Variants in ESRRB observed in about 807,000 individuals in gnomAD.
ESRRB encodes the protein steroid hormone receptor ERR2.
In ESRRB, 16 loss-of-function variants were observed where a neutral mutation model predicts 46.0. The observed-to-expected ratio is 0.35, with a 90% CI of 0.24 to 0.53. The LOEUF is 0.53. Among genes scored for constraint, ESRRB ranks in the 20% least tolerant of loss-of-function variants. ESRRB has a pLI of 0.93. For missense variants in ESRRB, 488 were observed against 607.4 expected (o/e 0.80, Z 2.07); for synonymous variants, 246 against 259.6 (o/e 0.95, Z 0.50).
intron 5 of ESRRB, among the ~76,000 whole-genome samples, chr14:76,485,542 A>G (rs376948521): frequency 2.0e-5 from 3 of 151,942 alleles, no homozygotes; most frequent in Non-Finnish European, 4.4e-5. Flanking sequence ...GTGCCTGGCC[A>G]GGTGCCTGAT....
intron 1 of ESRRB, among the ~76,000 whole-genome samples, chr14:76,320,470 T>C (rs557114381): frequency 6.6e-6 from 1 of 152,326 alleles, no homozygotes; most frequent in South Asian, 2.1e-4. Context: ...TGGGCAGTGA[T>C]CATGTTGTAT....
chr14:76,424,084 C>T (rs1887093735), intron 1 of ESRRB, among the ~76,000 whole-genome samples: 1 of 152,204 alleles, frequency 6.6e-6, no homozygotes, highest in African/African-American at 2.4e-5. Context: ...AGATATTTAG[C>T]GCCTCTGGGC....
rs1274775232 is a variant in ESRRB, at chr14:76,358,310, TC to T, written c.2+47395del. ...CTGGGATACGGAGCAAGACTCTGTC[TC>T]AAAAAAAAAAAAAAAGAAAGAAAGA... On this transcript the variant is annotated intron_variant, in intron 1 of 6. Transcript: ENST00000512784. Among the ~76,000 whole-genome samples, 210 of 49,066 alleles carry T rather than the reference TC, an allele frequency of 4.3e-3. 1 individual carries two copies. Among genetic ancestry groups the T allele is most frequent in the Admixed American group, 0.011 (41 of 3,694 alleles). 32.2% of individuals were successfully genotyped at this position (49,066 alleles called of 152,430 possible).
In ESRRB at chr14:76,389,322, C is replaced by T. The variant is rs116491799; in HGVS notation, c.50+12871C>T. On this transcript the variant is annotated intron_variant, in intron 1 of 6. Coordinates refer to ENST00000644823, the MANE Select transcript of ESRRB (RefSeq NM_001379180.1). ...CTCATGCCCCTGACTGGTTTACAAT[C>T]TGTTGGATTTGAATATTTGCTTATT... Among the ~76,000 whole-genome samples, 269 of 152,294 alleles carry T rather than the reference C, an allele frequency of 1.8e-3. 2 individuals are homozygous for T. Among genetic ancestry groups the T allele is most frequent in the African/African-American group, 6.2e-3 (257 of 41,558 alleles).
At chr14:76,394,765 G>A (rs761084373) in intron 1 of ESRRB, among the ~76,000 whole-genome samples, 2 of 152,122 alleles carry the variant, frequency 1.3e-5, no homozygotes, top group African/African-American at 2.4e-5. Flanking sequence ...GGTGAGCCTC[G>A]GGCCAGGCAG....
intron 1 of ESRRB, among the ~76,000 whole-genome samples, chr14:76,416,437 A>G (rs537848526): frequency 6.7e-6 from 1 of 150,076 alleles, no homozygotes; most frequent in East Asian, 2.0e-4. Flanking sequence ...TTTTTTACTT[A>G]TAGCATTTTT....
At chr14:76,457,912 T>A (rs1259241869) in intron 2 of ESRRB, among the ~76,000 whole-genome samples, 2 of 152,158 alleles carry the variant, frequency 1.3e-5, no homozygotes, top group East Asian at 1.9e-4. Flanking sequence ...TGACCTCAAG[T>A]GATCCTACTG....
intron 1 of ESRRB, among the ~76,000 whole-genome samples, chr14:76,431,503 C>G (rs1399763380): frequency 6.6e-6 from 1 of 152,186 alleles, no homozygotes; most frequent in Non-Finnish European, 1.5e-5. Context: ...GAAGAGCCCC[C>G]CAGCAAGCTC....
At chr14:76,490,478 C>T (rs1890180702) in intron 5 of ESRRB, among the ~76,000 whole-genome samples, 1 of 152,144 alleles carries the variant, frequency 6.6e-6, no homozygotes, top group African/African-American at 2.4e-5. Flanking sequence ...ATCATCGTCT[C>T]ATTTAGACCT....
chr14:76,356,955 C>T (rs1455491597), intron 1 of ESRRB, among the ~76,000 whole-genome samples: 4 of 152,242 alleles, frequency 2.6e-5, no homozygotes, highest in African/African-American at 9.6e-5. Context: ...AGGAGCTCCT[C>T]TGAGGATCCT....
At chr14:76,374,300 A>G (rs1884693450), upstream of ESRRB, among the ~76,000 whole-genome samples, 1 of 152,214 alleles carries the variant, frequency 6.6e-6, no homozygotes, top group Non-Finnish European at 1.5e-5. Flanking sequence ...ATGCCAGTAC[A>G]CAGACAATTG....
intron 1 of ESRRB, among the ~76,000 whole-genome samples, chr14:76,332,688 TA>T: frequency 2.4e-5 from 1 of 41,074 alleles, no homozygotes; most frequent in Non-Finnish European, 3.9e-5. Flanking sequence ...ATTATATATT[TA>T]TATATTTATA....
rs188041314 is a variant in ESRRB at position 76,405,005 on chromosome 14, G to A, written c.50+28554G>A. On this transcript the variant is annotated intron_variant, in intron 1 of 6. Coordinates refer to ENST00000644823, the MANE Select transcript of ESRRB (RefSeq NM_001379180.1). Reference sequence around the variant, plus strand: ...TTCTAAAGCAATTTCCTGAGTTTTTGCCCTCCTGTGTGTATTTACATAGAC... The same window carrying A: ...TTCTAAAGCAATTTCCTGAGTTTTTACCCTCCTGTGTGTATTTACATAGAC... Among the ~76,000 whole-genome samples, 444 of 152,272 alleles carry A rather than the reference G, an allele frequency of 2.9e-3. 1 individual carries two copies. The highest frequency in any genetic ancestry group is 4.3e-3 in the Non-Finnish European group (293 of 68,022).
rs144876056 is a variant in ESRRB at position 76,450,014 on chromosome 14, C to T, written c.460+10264C>T. On this transcript the variant is annotated intron_variant, in intron 2 of 6. Transcript: ENST00000644823. ...GGCTCAAGCATTCCTATGGCCCCCA[C>T]CCTAGTGGGCTTGCATTGTAGGGGG... Among the ~76,000 whole-genome samples the T allele has an allele frequency of 5.0e-3, 760 of 152,142 alleles. 1 individual carries two copies. Among genetic ancestry groups the T allele is most frequent in the East Asian group, 7.7e-3 (40 of 5,174 alleles).
At chr14:76,477,314 G>A (rs1566607795) in intron 3 of ESRRB, among the ~76,000 whole-genome samples, 1 of 152,196 alleles carries the variant, frequency 6.6e-6, no homozygotes, top group East Asian at 1.9e-4. Flanking sequence ...GGTATAAAGG[G>A]AAACCAGCAT....
intron 1 of ESRRB, among the ~76,000 whole-genome samples, chr14:76,403,844 A>T (rs1341680674): frequency 6.6e-6 from 1 of 152,090 alleles, no homozygotes; most frequent in African/African-American, 2.4e-5. Flanking sequence ...CTCCTGCCTC[A>T]GCCTCCTGGG....
intron 1 of ESRRB, chr14:76,407,529 T>G (rs1886242725): frequency 1.0e-6 from 1 of 985,400 alleles, no homozygotes; most frequent in Admixed American, 6.1e-5. Flanking sequence ...AGCTTTCCCA[T>G]CTGTTCTGTT....
At chr14:76,466,058 C>T (rs1009389671) in intron 3 of ESRRB, among the ~76,000 whole-genome samples, 6 of 152,206 alleles carry the variant, frequency 3.9e-5, no homozygotes, top group Non-Finnish European at 7.3e-5. Flanking sequence ...GCCCAGGCCC[C>T]CCAAGACCAG....
intron 6 of ESRRB, 134 bp from the exon 7 acceptor site, chr14:76,498,080 T>A: frequency 9.6e-7 from 1 of 1,045,850 alleles, no homozygotes; most frequent in Admixed American, 1.7e-5. Flanking sequence ...GGGCCTCAGA[T>A]TGGCTCTCTG....
Sources: gnomAD v4.1 joint callset for allele counts (sites outside exome capture counted in the v4.1 genomes callset) on GRCh38, gnomAD v4.1.1 for gene constraint, MANE v1.5 for transcripts, NCBI Gene and HGNC (gene_info 2026-07-23, HGNC 2026-07-21) for gene names.